The following ERCC6L2 variants were observed in gnomAD, a reference collection of about 807,000 sequenced individuals.
The protein encoded by ERCC6L2 is ERCC excision repair 6 like 2, also known as DNA excision repair protein ERCC-6-like 2.
In ERCC6L2, 77 loss-of-function variants were observed where a neutral mutation model predicts 132.0. The ratio of observed to expected loss-of-function variants is 0.58; its 90% CI spans 0.49 to 0.71. The LOEUF (loss-of-function observed/expected upper bound fraction) is 0.71. ERCC6L2 is among the 30% of genes least tolerant of loss of function. The pLI is 0.00. For synonymous variants in ERCC6L2, 583 were observed against 632.4 expected (o/e 0.92, Z 1.17); for missense variants, 1,542 against 1,837.6 (o/e 0.84, Z 2.94).
At chr9:95,907,826 TACACACAC>T (rs373670619) in intron 4 of ERCC6L2, among the ~76,000 whole-genome samples, 3 of 40,868 alleles carry the variant, frequency 7.3e-5, no homozygotes, top group African/African-American at 6.9e-5. Flanking sequence ...GGGCAAAAAC[TACACACAC>T]ACACACACAC....
intron 2 of ERCC6L2, among the ~76,000 whole-genome samples, chr9:95,895,019 GTATCTTTAC>G (rs1360990547): frequency 6.6e-6 from 1 of 152,144 alleles, no homozygotes; most frequent in Non-Finnish European, 1.5e-5. Context: ...AAAGTCTTCT[GTATCTTTAC>G]TGATTATTTT....
chr9:95,972,720 C>G lies in ERCC6L2; in HGVS notation c.2969C>G (p.Ser990Cys), dbSNP rs763410886. 11 of 1,302,380 alleles carry G rather than the reference C, an allele frequency of 8.4e-6. No homozygotes were observed. The South Asian group carries it at 1.4e-4, about 16-fold the overall frequency. 80.7% of individuals were successfully genotyped at this position (1,302,380 alleles called of 1,614,324 possible). A position where few individuals can be genotyped will look rare whatever the true frequency, so the allele number is the denominator to read the frequency against. The change falls in exon 16 of 19, where the codon TCC becomes TGC. Residue 990 changes from serine to cysteine, a missense_variant. Around this residue, in one of 4 missense-constraint regions of ERCC6L2, gnomAD observed 945 missense variants for 1,105.2 expected, o/e 0.86. Coordinates refer to ENST00000653738, the MANE Select transcript of ERCC6L2 (RefSeq NM_020207.7). The part of the protein sequence containing the change: ...SDESDDIEIS[S>C]KSRVRKRASS... ...GAATCTGATGACATTGAAATTTCTT[C>G]CAAGTCAAGAGTAAGAAAGAGAGCT... is the stretch of plus-strand genomic sequence containing the variant.
chr9:96,030,900 C>T (rs1834450862), intron 19 of ERCC6L2, among the ~76,000 whole-genome samples: 1 of 152,144 alleles, frequency 6.6e-6, no homozygotes, highest in Non-Finnish European at 1.5e-5. Flanking sequence ...GGAAACCAAA[C>T]CGCAGTGAAG....
chr9:96,025,167 A>G (rs1016323952), intron 19 of ERCC6L2, among the ~76,000 whole-genome samples: 1 of 152,176 alleles, frequency 6.6e-6, no homozygotes, highest in African/African-American at 2.4e-5. Context: ...AAGCAAAATC[A>G]TGGATGTCAG....
intron 11 of ERCC6L2, among the ~76,000 whole-genome samples, chr9:95,931,172 T>C (rs1452356381): frequency 6.6e-6 from 1 of 152,222 alleles, no homozygotes; most frequent in African/African-American, 2.4e-5. Flanking sequence ...GTTTTATGTT[T>C]GCACTGTTCA....
chr9:95,967,295 A>G (rs1024514817), intron 14 of ERCC6L2: 1 of 152,094 alleles, frequency 6.6e-6, no homozygotes. Flanking sequence ...ATATTAACCT[A>G]TTTTCTAATT....
intron 18 of ERCC6L2, among the ~76,000 whole-genome samples, chr9:96,010,272 C>T (rs1833984669): frequency 6.6e-6 from 1 of 152,130 alleles, no homozygotes; most frequent in African/African-American, 2.4e-5. Context: ...GTAGTGAGGA[C>T]TAGAAGCCAC....
chr9:95,944,733 AAG>A (rs1830970328), intron 12 of ERCC6L2, among the ~76,000 whole-genome samples: 2 of 152,090 alleles, frequency 1.3e-5, no homozygotes, highest in Non-Finnish European at 2.9e-5. Flanking sequence ...GACAGTACAA[AAG>A]AGAGAAATTT....
chr9:96,033,494 G>C lies in ERCC6L2; in HGVS notation c.*1504-5382G>C, dbSNP rs531550624. ...ACTCCTGACCTCAGGTGATCCGCCTGCCTTGGCCTCCCAAAGTGCTGGGAT... is the reference window on the plus strand; with the variant it reads ...ACTCCTGACCTCAGGTGATCCGCCTCCCTTGGCCTCCCAAAGTGCTGGGAT... On this transcript the variant is annotated intron_variant and NMD_transcript_variant, in intron 19 of 20. Transcript: ENST00000670016. Among the ~76,000 whole-genome samples, 3 of 152,302 alleles carry C rather than the reference G, an allele frequency of 2.0e-5. No individual in the cohort carries two copies. The South Asian group carries it at 6.2e-4, about 32-fold the overall frequency.
At chr9:95,938,629 A>G (rs988602709) in intron 11 of ERCC6L2, among the ~76,000 whole-genome samples, 1 of 152,076 alleles carries the variant, frequency 6.6e-6, no homozygotes, top group Non-Finnish European at 1.5e-5. Flanking sequence ...ACTAATATTA[A>G]TATAGCCAGT....
chr9:96,039,002 T>G, exon 20 of ERCC6L2: 1 of 450,782 alleles, frequency 2.2e-6, no homozygotes, highest in South Asian at 1.6e-5. Context: ...GCCGTGGAGA[T>G]GAACCACCTT....
chr9:96,040,815 C>T (rs2133277537), intron 20 of ERCC6L2, among the ~76,000 whole-genome samples: 1 of 152,374 alleles, frequency 6.6e-6, no homozygotes, highest in South Asian at 2.1e-4. Context: ...GTGCCCTCGG[C>T]CATCAGTTTT....
At chr9:95,917,633 A>C (rs932288943) in intron 6 of ERCC6L2, among the ~76,000 whole-genome samples, 2 of 152,234 alleles carry the variant, frequency 1.3e-5, no homozygotes, top group African/African-American at 2.4e-5. Context: ...TGATTTAGCT[A>C]TCTGTCTAGT....
At chr9:95,910,213 C>G (rs909421856) in intron 4 of ERCC6L2, among the ~76,000 whole-genome samples, 2 of 152,164 alleles carry the variant, frequency 1.3e-5, no homozygotes, top group Admixed American at 1.3e-4. Context: ...TTTCTCCTTT[C>G]ACCTCTGTCA....
intron 1 of ERCC6L2, among the ~76,000 whole-genome samples, chr9:95,879,988 G>T (rs1416430215): frequency 6.6e-6 from 1 of 151,968 alleles, no homozygotes; most frequent in African/African-American, 2.4e-5. Flanking sequence ...CTTTTTAATT[G>T]TACCAATAGT....
chr9:96,026,318 G>C (rs1834362414), intron 19 of ERCC6L2, among the ~76,000 whole-genome samples: 2 of 152,204 alleles, frequency 1.3e-5, no homozygotes. Flanking sequence ...GCCCCCTGTT[G>C]GCAGAACCTG....
Position 95,973,932 on chromosome 9 carries a change from G to T in ERCC6L2, c.3337+844G>T, listed in dbSNP as rs559431152. Reference sequence around the variant, plus strand: ...TCCCTCAGTTTGCATTTTGCTAATTGTACCCTCTCCATGCAGTTAAACATG... The same window carrying T: ...TCCCTCAGTTTGCATTTTGCTAATTTTACCCTCTCCATGCAGTTAAACATG... On this transcript the variant is annotated intron_variant, in intron 16 of 18. Coordinates refer to ENST00000653738, the MANE Select transcript of ERCC6L2 (RefSeq NM_020207.7). 5.9e-5 allele frequency among the ~76,000 whole-genome samples: 9 copies of T among 152,116 alleles called. No individual in the cohort carries two copies. In the South Asian group the frequency reaches 1.9e-3, roughly 32 times the overall value.
chr9:96,036,798 A>G (rs1208647292), intron 19 of ERCC6L2, among the ~76,000 whole-genome samples: 4 of 141,814 alleles, frequency 2.8e-5, no homozygotes, highest in East Asian at 2.1e-4. Context: ...ACGGAGTCTC[A>G]CTCTGTCGCC....
At chr9:95,927,232 A>G (rs1180260470) in intron 9 of ERCC6L2, among the ~76,000 whole-genome samples, 3 of 152,132 alleles carry the variant, frequency 2.0e-5, no homozygotes, top group African/African-American at 2.4e-5. Context: ...AGTTAGCACA[A>G]TAGCTTCTCT....
Sources: allele counts gnomAD v4.1 joint callset (sites outside exome capture counted in the v4.1 genomes callset), GRCh38; gene constraint gnomAD v4.1.1; regional missense constraint gnomAD v4.1.1; transcripts MANE v1.5; gene names NCBI Gene and HGNC (gene_info 2026-07-23, HGNC 2026-07-21).